Variants in DENND5A observed in about 807,000 individuals in gnomAD.
The protein encoded by DENND5A is DENN domain-containing protein 5A.
DENND5A carries 64 observed loss-of-function variants against 140.3 expected under a neutral mutation model. The observed-to-expected ratio is 0.46, with a 90% CI of 0.37 to 0.56. The LOEUF is 0.56. Among genes scored for constraint, DENND5A ranks in the 20% least tolerant of loss-of-function variants. The probability of loss-of-function intolerance (pLI) is 0.00; values close to 1 mark genes in which losing one functional copy is unlikely to be tolerated. For synonymous variants in DENND5A, 605 were observed against 607.7 expected (o/e 1.00, Z 0.07); for missense variants, 1,292 against 1,593.8 (o/e 0.81, Z 3.22).
At chr11:9,182,112 T>A (rs532087150) in intron 5 of DENND5A, among the ~76,000 whole-genome samples, 1 of 152,190 alleles carries the variant, frequency 6.6e-6, no homozygotes, top group African/African-American at 2.4e-5. Context: ...GGTCAGAGGT[T>A]TGAGACCAGA....
At position 9,264,980 on chromosome 11, in the gene DENND5A, C is replaced by T. The variant is rs1852380064; in HGVS notation, c.90G>A (p.Leu30=). The T allele has an allele frequency of 1.3e-6, 2 of 1,586,936 alleles. No homozygotes were observed. The highest frequency in any genetic ancestry group is 1.4e-5 in the African/African-American group (1 of 72,866). ...VICGLDTETG[L]EPDELSALCQ... is the part of the protein sequence containing the mutation. The stretch of plus-strand genomic sequence containing the variant: ...ACTCACCCGACAGCTCGTCCGGCTC[C>T]AGCCCGGTCTCCGTGTCCAGTCCGC... Residue 30 remains leucine (L), a synonymous_variant, in exon 1 of 23, where the codon CTG becomes CTA. Transcript: ENST00000328194.
In DENND5A at chr11:9,258,487, T is replaced by C. The variant is rs556185502; in HGVS notation, c.109+6474A>G. ...TTTTTTATGGCTGCATAGTATTCCA[T>C]GATGTGTATGTGCCATCTTCTTTAT... On this transcript the variant is annotated intron_variant, in intron 1 of 22. Transcript: ENST00000328194. Among the ~76,000 whole-genome samples the C allele has an allele frequency of 5.9e-5, 9 of 152,288 alleles. No homozygotes were observed. The East Asian group carries it at 1.7e-3, about 29-fold the overall frequency.
chr11:9,235,612 C>A (rs138393131), intron 1 of DENND5A, among the ~76,000 whole-genome samples: 6 of 150,924 alleles, frequency 4.0e-5, no homozygotes, highest in African/African-American at 1.5e-4. Context: ...GAGCTGAGAT[C>A]GCGCCACTGC....
intron 8 of DENND5A, among the ~76,000 whole-genome samples, chr11:9,177,482 C>A (rs1164569701): frequency 7.6e-6 from 1 of 132,244 alleles, no homozygotes; most frequent in East Asian, 1.9e-4. Context: ...AACCTTGTCT[C>A]CACAAAAAAA....
At chr11:9,217,758 T>C (rs2136230830) in intron 1 of DENND5A, among the ~76,000 whole-genome samples, 1 of 152,282 alleles carries the variant, frequency 6.6e-6, no homozygotes, top group Non-Finnish European at 1.5e-5. Flanking sequence ...TATATCTTCA[T>C]AAAGTGATTT....
rs7936340 is a variant in DENND5A, at chr11:9,147,437, A to C, written c.2736-286T>G. Among the ~76,000 whole-genome samples the C allele has an allele frequency of 3.0e-3, 451 of 152,298 alleles. 1 individual carries two copies. Among genetic ancestry groups the C allele is most frequent in the African/African-American group, 0.01 (426 of 41,556 alleles). ...GAAGTCATGAAATCTCCTTTTCTAA[A>C]CTGAGGGCTGGAATGAAATTCCATC... On this transcript the variant is annotated intron_variant, in intron 15 of 22. Transcript: ENST00000328194.
At chr11:9,161,978 A>G (rs1438805013) in intron 11 of DENND5A, among the ~76,000 whole-genome samples, 1 of 151,276 alleles carries the variant, frequency 6.6e-6, no homozygotes. Flanking sequence ...GTAGCAATAG[A>G]TCTGGCCTTT....
In DENND5A at chr11:9,169,850, T is replaced by C. The variant is rs750834034; in HGVS notation, c.2151+6A>G. The C allele has an allele frequency of 1.8e-5, 28 of 1,571,108 alleles. No homozygotes were observed. Among genetic ancestry groups the C allele is most frequent in the Non-Finnish European group, 2.4e-5 (27 of 1,141,104 alleles). On this transcript the variant is annotated splice_donor_region_variant and intron_variant, in intron 10 of 22. Coordinates refer to ENST00000328194, the MANE Select transcript of DENND5A (RefSeq NM_015213.4). ...GGTCATCCTTATCATTCTTAAGGTATCTTACCTCCCTCTGGTCATTATCTA... is the reference window on the plus strand; with the variant it reads ...GGTCATCCTTATCATTCTTAAGGTACCTTACCTCCCTCTGGTCATTATCTA...
intron 11 of DENND5A, among the ~76,000 whole-genome samples, chr11:9,165,297 G>C (rs1267692317): frequency 6.6e-6 from 1 of 152,116 alleles, no homozygotes; most frequent in Non-Finnish European, 1.5e-5. Context: ...ACTGCGCCCA[G>C]CTTGTTGTTC....
At chr11:9,144,044 C>CA in intron 19 of DENND5A, 53 bp downstream of exon 19, 1 of 1,556,882 alleles carries the variant, frequency 6.4e-7, no homozygotes, top group Admixed American at 2.0e-5. Flanking sequence ...CACAGAGATC[C>CA]ACCCATTCCC....
chr11:9,239,127 C>T (rs546864664), intron 1 of DENND5A, among the ~76,000 whole-genome samples: 260 of 152,050 alleles, frequency 1.7e-3, no homozygotes, highest in Middle Eastern at 0.01. Context: ...CCACTGCGCC[C>T]GGCCTACATC....
At chr11:9,166,087 C>CTTTT in intron 10 of DENND5A, 120 bp from the exon 11 acceptor site, 3 of 716,068 alleles carry the variant, frequency 4.2e-6, no homozygotes, top group Non-Finnish European at 6.2e-6. Flanking sequence ...TTTTCTTTTT[C>CTTTT]TTTTTTTTTT....
chr11:9,256,471 A>G (rs1851951446), intron 1 of DENND5A, among the ~76,000 whole-genome samples: 1 of 152,170 alleles, frequency 6.6e-6, no homozygotes. Context: ...AGAAAAAAAA[A>G]AGAAGAAAAC....
At chr11:9,229,063 T>C (rs755661639) in intron 1 of DENND5A, among the ~76,000 whole-genome samples, 1 of 152,180 alleles carries the variant, frequency 6.6e-6, no homozygotes, top group Non-Finnish European at 1.5e-5. Context: ...GGGGACAGTC[T>C]TGTGAGACTA....
At chr11:9,142,938 G>T in intron 20 of DENND5A, 93 bp from the exon 21 acceptor site, 1 of 1,527,712 alleles carries the variant, frequency 6.5e-7, no homozygotes. Context: ...AGAGTTGGGA[G>T]GGCTGCAAAA....
At position 9,145,659 on chromosome 11, in the gene DENND5A, A is replaced by G; in HGVS notation, c.3003+11T>C. On this transcript the variant is annotated intron_variant, in intron 17 of 22. Transcript: ENST00000328194. ...GATCCCCACAGAGCTGTGGCCCCAAATAACACATACCTCGAAGGTCATCTC... is the reference window on the plus strand; with the variant it reads ...GATCCCCACAGAGCTGTGGCCCCAAGTAACACATACCTCGAAGGTCATCTC... 1 of 1,614,120 alleles carries G rather than the reference A, an allele frequency of 6.2e-7. No individual in the cohort carries two copies. Among genetic ancestry groups the G allele is most frequent in the Non-Finnish European group, 8.5e-7 (1 of 1,179,984 alleles).
At chr11:9,198,634 T>C (rs540109169) in intron 4 of DENND5A, among the ~76,000 whole-genome samples, 1 of 151,118 alleles carries the variant, frequency 6.6e-6, no homozygotes, top group East Asian at 2.0e-4. Flanking sequence ...AAAAGAAAAG[T>C]AAAGTAACTA....
intron 10 of DENND5A, among the ~76,000 whole-genome samples, chr11:9,169,489 A>ACACATG (rs1848297941): frequency 1.0e-5 from 1 of 96,256 alleles, no homozygotes; most frequent in African/African-American, 4.0e-5. Flanking sequence ...TTTCCTATAT[A>ACACATG]CACACGCACA....
At position 9,178,858 on chromosome 11, in the gene DENND5A, T is replaced by G; in HGVS notation, c.1671A>C (p.Lys557Asn). 5 of 1,613,548 alleles carry G rather than the reference T, an allele frequency of 3.1e-6. No individual in the cohort carries two copies. Among genetic ancestry groups the G allele is most frequent in the Non-Finnish European group, 4.2e-6 (5 of 1,179,536 alleles). The change falls in exon 7 of 23, where the codon AAA becomes AAC. Residue 557 changes from lysine to asparagine, a missense_variant and splice_region_variant. Transcript: ENST00000328194. ...TNREQMQNFD[K>N]ASFLSDQPEP... Reference sequence around the variant, plus strand: ...ACCTCCCAAGCAGGATTACACTCACTTTATCAAAGTTTTGCATTTGCTCCC... The same window carrying G: ...ACCTCCCAAGCAGGATTACACTCACGTTATCAAAGTTTTGCATTTGCTCCC...
Sources: gnomAD v4.1 joint callset for allele counts (sites outside exome capture counted in the v4.1 genomes callset) on GRCh38, gnomAD v4.1.1 for gene constraint, MANE v1.5 for transcripts, NCBI Gene and HGNC (gene_info 2026-07-23, HGNC 2026-07-21) for gene names.